Variants in NCK1 observed in about 807,000 individuals in gnomAD.
NCK1 encodes NCK adaptor protein 1, also known as SH2/SH3 adapter protein NCK1.
A neutral mutation model predicts 36.6 loss-of-function variants in NCK1; 19 were observed. That is an observed-to-expected ratio of 0.52 (90% CI 0.36 to 0.76). The LOEUF (loss-of-function observed/expected upper bound fraction) is 0.76, where lower values mean the gene tolerates loss of function less well. Ranked by LOEUF, NCK1 falls within the 30% of genes least tolerant of loss-of-function variation. NCK1 has a pLI of 0.00. For missense variants in NCK1, 358 were observed against 445.6 expected (o/e 0.80, Z 1.77); for synonymous variants, 165 against 156.0 (o/e 1.06, Z -0.43).
At chr3:136,930,728 AC>A in intron 2 of NCK1, 1 of 656,536 alleles carries the variant, frequency 1.5e-6, no homozygotes, top group Non-Finnish European at 2.2e-6. Context: ...TGTAATATAA[AC>A]CAAATGATTG....
At chr3:136,886,164 A>G (rs529596956) in intron 1 of NCK1, among the ~76,000 whole-genome samples, 1 of 152,304 alleles carries the variant, frequency 6.6e-6, no homozygotes, top group African/African-American at 2.4e-5. Context: ...ATAAAATTGT[A>G]TTAACACTAA....
At chr3:136,935,377 C>T (rs1940504256) in intron 2 of NCK1, among the ~76,000 whole-genome samples, 1 of 147,322 alleles carries the variant, frequency 6.8e-6, no homozygotes. Context: ...TCAGGTTTAA[C>T]TTTTTTTTTT....
At position 136,948,278 on chromosome 3, in the gene NCK1, C is replaced by A. The variant is rs751078214; in HGVS notation, c.959C>A (p.Ser320Ter). The A allele has an allele frequency of 1.3e-6, 2 of 1,596,704 alleles. No homozygotes were observed. Among genetic ancestry groups the A allele is most frequent in the South Asian group, 1.2e-5 (1 of 86,948 alleles). ...TTTTAGCCAAATGATTTCTCAGTAT[C>A]ACTAAAAGCACAAGGGAAAAACAAG... ...SESSPNDFSV[S>*]LKAQGKNKHF... Residue 320 changes from serine to a stop codon, truncating the protein, a stop_gained, in exon 4 of 4, where the codon TCA (serine) becomes TAA (stop). Transcript: ENST00000481752. LOFTEE classifies it high-confidence loss of function.
chr3:136,874,480 C>G (rs982236988), intron 1 of NCK1, among the ~76,000 whole-genome samples: 1 of 152,118 alleles, frequency 6.6e-6, no homozygotes, highest in African/African-American at 2.4e-5. Context: ...ACGCCCGGCC[C>G]GTTTACAGGT....
chr3:136,890,815 C>T (rs1173981780), intron 1 of NCK1, among the ~76,000 whole-genome samples: 1 of 152,174 alleles, frequency 6.6e-6, no homozygotes, highest in Non-Finnish European at 1.5e-5. Context: ...GCAGCCATCA[C>T]CACCACCTGT....
chr3:136,864,850 C>A (rs1276334562), intron 1 of NCK1, among the ~76,000 whole-genome samples: 1 of 148,734 alleles, frequency 6.7e-6, no homozygotes, highest in African/African-American at 2.5e-5. Context: ...CTCTGCCTCC[C>A]GGGTTCAATC....
chr3:136,943,577 A>G (rs943965343), intron 2 of NCK1, among the ~76,000 whole-genome samples: 9 of 152,352 alleles, frequency 5.9e-5, no homozygotes, highest in African/African-American at 2.2e-4. Flanking sequence ...ATCTTGTGAA[A>G]CACTTTCAGC....
At chr3:136,863,306 T>C (rs1938301587) in intron 1 of NCK1, among the ~76,000 whole-genome samples, 2 of 152,224 alleles carry the variant, frequency 1.3e-5, no homozygotes, top group African/African-American at 4.8e-5. Context: ...AATTTTACTT[T>C]GATAGACGTA....
At chr3:136,907,689 T>C (rs1402431750) in intron 1 of NCK1, among the ~76,000 whole-genome samples, 4 of 152,236 alleles carry the variant, frequency 2.6e-5, no homozygotes, top group Non-Finnish European at 4.4e-5. Flanking sequence ...GATTATCTCC[T>C]CACTATTTTG....
intron 1 of NCK1, among the ~76,000 whole-genome samples, chr3:136,924,527 T>C (rs1305603061): frequency 1.3e-5 from 2 of 152,194 alleles, no homozygotes; most frequent in Non-Finnish European, 2.9e-5. Context: ...TTTAAAAAAA[T>C]ACACTTAGCA....
intron 1 of NCK1, chr3:136,889,044 A>ATTTTTTTTTTTTTTT (rs58385753): frequency 2.2e-5 from 2 of 91,196 alleles, no homozygotes; most frequent in African/African-American, 4.2e-5. Context: ...TAATTTTTTG[A>ATTTTTTTTTTTTTTT]TTTTTTTTTT....
At chr3:136,880,111 C>T (rs547006244) in intron 1 of NCK1, among the ~76,000 whole-genome samples, 21 of 151,564 alleles carry the variant, frequency 1.4e-4, no homozygotes, top group African/African-American at 1.9e-4. Flanking sequence ...GGTGAAACCC[C>T]GACTCTACTA....
At chr3:136,871,773 G>A (rs1443075618) in intron 1 of NCK1, among the ~76,000 whole-genome samples, 1 of 152,192 alleles carries the variant, frequency 6.6e-6, no homozygotes, top group African/African-American at 2.4e-5. Flanking sequence ...AACCATGGGG[G>A]TGGGCCTTTC....
At chr3:136,935,940 A>T (rs1940518461) in intron 2 of NCK1, among the ~76,000 whole-genome samples, 1 of 151,960 alleles carries the variant, frequency 6.6e-6, no homozygotes, top group Non-Finnish European at 1.5e-5. Flanking sequence ...ACAGTATGTG[A>T]CCTTTTGTGT....
At chr3:136,890,809 C>T (rs1045718286) in intron 1 of NCK1, among the ~76,000 whole-genome samples, 5 of 152,142 alleles carry the variant, frequency 3.3e-5, no homozygotes, top group African/African-American at 9.7e-5. Flanking sequence ...TGTTATGCAG[C>T]CATCACCACC....
chr3:136,886,204 A>AT (rs1361716984), intron 1 of NCK1, among the ~76,000 whole-genome samples: 4 of 152,000 alleles, frequency 2.6e-5, no homozygotes, highest in African/African-American at 7.2e-5. Flanking sequence ...TAAAGTATAT[A>AT]TTTTTTGGTA....
intron 1 of NCK1, among the ~76,000 whole-genome samples, chr3:136,863,226 C>T (rs1411515261): frequency 6.6e-6 from 1 of 152,152 alleles, no homozygotes; most frequent in East Asian, 1.9e-4. Flanking sequence ...CCTAACTCCT[C>T]TTTGGGTAGG....
At chr3:136,912,162 C>CTTTTTTTTTT (rs57596314) in intron 1 of NCK1, among the ~76,000 whole-genome samples, 1 of 128,162 alleles carries the variant, frequency 7.8e-6, no homozygotes, top group African/African-American at 3.2e-5. Flanking sequence ...ATTATTTTTT[C>CTTTTTTTTTT]TTTTTTTTTT....
At position 136,888,170 on chromosome 3, in the gene NCK1, C is replaced by G. The variant is rs139879712; in HGVS notation, c.-19+25817C>G. Reference sequence around the variant, plus strand: ...ATGTTGGCCAGGCTGGTCTCAAACTCCTGACCTCGTGATCTGCCTGCCTCG... The same window carrying G: ...ATGTTGGCCAGGCTGGTCTCAAACTGCTGACCTCGTGATCTGCCTGCCTCG... On this transcript the variant is annotated intron_variant, in intron 1 of 3. Coordinates refer to ENST00000481752, the MANE Select transcript of NCK1 (RefSeq NM_001291999.2). Among the ~76,000 whole-genome samples the G allele has an allele frequency of 9.9e-5, 15 of 152,148 alleles. No homozygotes were observed. The East Asian group carries it at 2.9e-3, about 30-fold the overall frequency.
Sources: gnomAD v4.1 joint callset for allele counts (sites outside exome capture counted in the v4.1 genomes callset) on GRCh38, gnomAD v4.1.1 for gene constraint, MANE v1.5 for transcripts, NCBI Gene and HGNC (gene_info 2026-07-23, HGNC 2026-07-21) for gene names.